IL6R: variants seen among roughly 807,000 people sequenced by gnomAD.
IL6R encodes interleukin 6 receptor.
Under a neutral mutation model 48.3 loss-of-function variants are expected in IL6R, and 38 were observed. The observed-to-expected ratio is 0.79, with a 90% CI of 0.61 to 1.03. The LOEUF (loss-of-function observed/expected upper bound fraction) is 1.03, where lower values mean the gene tolerates loss of function less well. Ranked by LOEUF, IL6R falls within the 50% of genes least tolerant of loss-of-function variation. The pLI is 0.00. For missense variants in IL6R, 534 were observed against 618.3 expected (o/e 0.86, Z 1.45); for synonymous variants, 264 against 256.2 (o/e 1.03, Z -0.29).
In IL6R at chr1:154,434,588, C is replaced by T; in HGVS notation, c.528C>T (p.Cys176=). 1 of 1,614,010 alleles carries T rather than the reference C, an allele frequency of 6.2e-7. No individual in the cohort carries two copies. Residue 176 remains cysteine, a synonymous_variant, in exon 4 of 10, where the codon TGC becomes TGT. Transcript: ENST00000368485. ...QYSQESQKFS[C]QLAVPEGDSS... ...CCCAGGAGTCCCAGAAGTTCTCCTG[C>T]CAGTTAGCAGTCCCGGAGGGAGACA...
At chr1:154,437,841 G>C (rs1689722175) in intron 6 of IL6R, among the ~76,000 whole-genome samples, 1 of 151,420 alleles carries the variant, frequency 6.6e-6, no homozygotes, top group Non-Finnish European at 1.5e-5. Flanking sequence ...AGCCTCCTGA[G>C]TAGCTGGGAC....
intron 1 of IL6R, among the ~76,000 whole-genome samples, chr1:154,415,482 A>C (rs1688288509): frequency 6.6e-6 from 1 of 152,216 alleles, no homozygotes; most frequent in Admixed American, 6.5e-5. Flanking sequence ...CGAGTAGTTA[A>C]AAGCACAAAT....
chr1:154,411,351 C>T (rs1385833956), intron 1 of IL6R, among the ~76,000 whole-genome samples: 1 of 152,112 alleles, frequency 6.6e-6, no homozygotes, highest in South Asian at 2.1e-4. Context: ...TGAGCCACCG[C>T]GCCTGGCCGC....
chr1:154,455,742 G>A (rs1367304159), intron 9 of IL6R, among the ~76,000 whole-genome samples: 3 of 143,642 alleles, frequency 2.1e-5, no homozygotes, highest in Non-Finnish European at 3.1e-5. Flanking sequence ...GTGAGCCACC[G>A]CGCCCAGCCT....
At chr1:154,448,756 C>T (rs1337837485) in intron 7 of IL6R, among the ~76,000 whole-genome samples, 4 of 151,920 alleles carry the variant, frequency 2.6e-5, no homozygotes, top group African/African-American at 7.3e-5. Context: ...GCTCCCAACA[C>T]GGGTTCTGGG....
At chr1:154,456,308 C>T (rs900504556) in intron 9 of IL6R, among the ~76,000 whole-genome samples, 1 of 150,814 alleles carries the variant, frequency 6.6e-6, no homozygotes, top group Middle Eastern at 3.5e-3. Context: ...CGGGTTCAAG[C>T]GATTCTTGTG....
At chr1:154,443,236 C>A (rs778472875) in intron 6 of IL6R, among the ~76,000 whole-genome samples, 22 of 152,214 alleles carry the variant, frequency 1.4e-4, no homozygotes, top group Non-Finnish European at 2.8e-4. Context: ...TGAGGGGGTG[C>A]CCTGAAGCCA....
At chr1:154,460,939 CG>C (rs1031181724) in intron 9 of IL6R, among the ~76,000 whole-genome samples, 3 of 151,534 alleles carry the variant, frequency 2.0e-5, no homozygotes, top group African/African-American at 7.3e-5. Flanking sequence ...ATGCAGAGAC[CG>C]GTAGTGGCCC....
At chr1:154,463,048 C>G (rs980771949) in intron 9 of IL6R, among the ~76,000 whole-genome samples, 3 of 152,164 alleles carry the variant, frequency 2.0e-5, no homozygotes, top group African/African-American at 7.2e-5. Context: ...AAGTAATCCA[C>G]CCACCTTGGC....
chr1:154,419,210 T>G (rs898805796), intron 1 of IL6R, among the ~76,000 whole-genome samples: 1 of 152,114 alleles, frequency 6.6e-6, no homozygotes, highest in Non-Finnish European at 1.5e-5. Context: ...TGGCAGACTT[T>G]TTGTGAGTAG....
At chr1:154,416,229 A>G (rs1688340735) in intron 1 of IL6R, among the ~76,000 whole-genome samples, 1 of 151,950 alleles carries the variant, frequency 6.6e-6, no homozygotes, top group Non-Finnish European at 1.5e-5. Flanking sequence ...TCCTGGACTC[A>G]CGCAATCCTC....
chr1:154,421,116 C>T lies in IL6R; in HGVS notation c.86-8080C>T, dbSNP rs552099756. 5.9e-4 allele frequency among the ~76,000 whole-genome samples: 90 copies of T among 152,338 alleles called. 1 individual carries two copies. Among genetic ancestry groups the T allele is most frequent in the East Asian group, 1.7e-3 (9 of 5,194 alleles). On this transcript the variant is annotated intron_variant, in intron 1 of 9. Transcript: ENST00000368485. Reference sequence around the variant, plus strand: ...TCCCTGTATGTGACCCTGGCCTTGGCGCAGTCCTTGGGTGCTCTTCCTCCC... The same window carrying T: ...TCCCTGTATGTGACCCTGGCCTTGGTGCAGTCCTTGGGTGCTCTTCCTCCC...
At chr1:154,415,220 C>T (rs899821580) in intron 1 of IL6R, 6 of 642,628 alleles carry the variant, frequency 9.3e-6, no homozygotes, top group African/African-American at 3.7e-5. Flanking sequence ...CCTCCACCCC[C>T]ATTCCAATAT....
chr1:154,445,581 T>C (rs2149257521), intron 6 of IL6R, among the ~76,000 whole-genome samples: 1 of 152,098 alleles, frequency 6.6e-6, no homozygotes, highest in African/African-American at 2.4e-5. Flanking sequence ...AAACCCCGTC[T>C]CTACTAAAAA....
intron 9 of IL6R, among the ~76,000 whole-genome samples, chr1:154,462,558 AGAG>A (rs1691326731): frequency 6.6e-6 from 1 of 151,832 alleles, no homozygotes; most frequent in African/African-American, 2.4e-5. Flanking sequence ...ATTTTTTAAT[AGAG>A]GTGGGGTTTC....
At chr1:154,435,318 T>C (rs1689554626) in intron 5 of IL6R, among the ~76,000 whole-genome samples, 162 bp downstream of exon 5, 1 of 152,144 alleles carries the variant, frequency 6.6e-6, no homozygotes, top group Admixed American at 6.5e-5. Context: ...GAGACCATCC[T>C]GGCCAACATG....
intron 2 of IL6R, 105 bp from the exon 3 acceptor site, chr1:154,430,378 G>T: frequency 6.9e-7 from 1 of 1,440,388 alleles, no homozygotes; most frequent in Non-Finnish European, 9.3e-7. Flanking sequence ...TGGGGCCGAG[G>T]GGCCCAGCCA....
chr1:154,461,236 G>C (rs965307306), intron 9 of IL6R, among the ~76,000 whole-genome samples: 4 of 152,216 alleles, frequency 2.6e-5, no homozygotes, highest in Admixed American at 6.5e-5. Flanking sequence ...GCATGAAAGT[G>C]GACAAGGAGC....
chr1:154,426,403 C>T (rs1688969214), intron 1 of IL6R, among the ~76,000 whole-genome samples: 1 of 151,728 alleles, frequency 6.6e-6, no homozygotes, highest in Admixed American at 6.6e-5. Context: ...TGCCTGTAGT[C>T]CCAACTACTC....
Sources: gnomAD v4.1 joint callset for allele counts (sites outside exome capture counted in the v4.1 genomes callset) on GRCh38, gnomAD v4.1.1 for gene constraint, MANE v1.5 for transcripts, NCBI Gene and HGNC (gene_info 2026-07-23, HGNC 2026-07-21) for gene names.